ZSCAN25: variants seen among roughly 807,000 people sequenced by gnomAD.
ZSCAN25 encodes the protein zinc finger and SCAN domain-containing protein 25.
In ZSCAN25, 27 loss-of-function variants were observed where a neutral mutation model predicts 38.7. That is an observed-to-expected ratio of 0.70 (90% CI 0.51 to 0.96). The LOEUF (loss-of-function observed/expected upper bound fraction) is 0.96, where lower values mean the gene tolerates loss of function less well. Among genes scored for constraint, ZSCAN25 ranks in the 40% least tolerant of loss-of-function variants. ZSCAN25 has a pLI of 0.00. For missense variants in ZSCAN25, 637 were observed against 705.9 expected (o/e 0.90, Z 1.11); for synonymous variants, 273 against 277.7 (o/e 0.98, Z 0.17).
chr7:99,649,825 C>T, the ZSCAN25 span, among the ~76,000 whole-genome samples: 2 of 152,072 alleles, frequency 1.3e-5, no homozygotes, highest in Non-Finnish European at 2.9e-5. Context: ...TGAATTTAAA[C>T]TTACTCAGGT....
At chr7:99,657,341 C>T in the ZSCAN25 span, among the ~76,000 whole-genome samples, 1 of 152,090 alleles carries the variant, frequency 6.6e-6, no homozygotes, top group South Asian at 2.1e-4. Flanking sequence ...TCGTTATGTA[C>T]CCAGTAGTCA....
At chr7:99,695,883 A>G in the ZSCAN25 span, 3 of 1,558,894 alleles carry the variant, frequency 1.9e-6, no homozygotes, top group Non-Finnish European at 2.6e-6. Flanking sequence ...TTGTGACTTT[A>G]TAGATATGGG....
At chr7:99,732,833 G>T in the ZSCAN25 span, among the ~76,000 whole-genome samples, 23 of 152,168 alleles carry the variant, frequency 1.5e-4, no homozygotes, top group African/African-American at 5.6e-4. Context: ...CCTTCTAATG[G>T]CCAGGTACCT....
chr7:99,619,322 T>A (rs557675569), intron 3 of ZSCAN25, among the ~76,000 whole-genome samples, 190 bp downstream of exon 3: 80 of 152,344 alleles, frequency 5.3e-4, no homozygotes, highest in South Asian at 1.0e-3. Context: ...TCCAGTGAGA[T>A]CCTAAGTTAT....
At chr7:99,708,954 G>A in the ZSCAN25 span, 1 of 1,472,886 alleles carries the variant, frequency 6.8e-7, no homozygotes, top group Non-Finnish European at 9.5e-7. Flanking sequence ...GATTGTACAA[G>A]CCCAGACTGT....
At chr7:99,705,445 C>T in the ZSCAN25 span, 2 of 1,581,500 alleles carry the variant, frequency 1.3e-6, no homozygotes, top group Non-Finnish European at 1.7e-6. Flanking sequence ...TTTGAGGTCT[C>T]TGGTGTTCTG....
At chr7:99,703,128 A>C in the ZSCAN25 span, among the ~76,000 whole-genome samples, 3 of 152,218 alleles carry the variant, frequency 2.0e-5, no homozygotes. Flanking sequence ...ATATTTTATC[A>C]GTTCTAGTAG....
the ZSCAN25 span, among the ~76,000 whole-genome samples, chr7:99,664,811 G>A: frequency 4.6e-5 from 7 of 151,976 alleles, no homozygotes; most frequent in Non-Finnish European, 5.9e-5. Flanking sequence ...GCAAAAGAAA[G>A]AAAATAACAG....
the ZSCAN25 span, chr7:99,674,465 C>G: frequency 1.4e-5 from 18 of 1,269,436 alleles, no homozygotes; most frequent in Non-Finnish European, 1.7e-5. Flanking sequence ...TGGGCAGAGA[C>G]TATCCTGCAG....
chr7:99,645,076 C>T, the ZSCAN25 span, among the ~76,000 whole-genome samples: 9 of 152,146 alleles, frequency 5.9e-5, no homozygotes, highest in Non-Finnish European at 1.2e-4. Context: ...CTGCAACCTC[C>T]GCCTCCTGGG....
At chr7:99,672,042 T>TTTGTTGTTGTTGTTGTTGTTGTTGTTG in the ZSCAN25 span, among the ~76,000 whole-genome samples, 7 of 151,728 alleles carry the variant, frequency 4.6e-5, no homozygotes, top group Admixed American at 1.3e-4. Context: ...TTTGCCGGTT[T>TTTGTTGTTGTTGTTGTTGTTGTTGTTG]TTGTTGTTGT....
the ZSCAN25 span, chr7:99,660,295 A>G: frequency 9.3e-7 from 1 of 1,078,410 alleles, no homozygotes; most frequent in East Asian, 7.6e-5. Context: ...GGCCAGCAAT[A>G]TTGTACAAAG....
At position 99,619,653 on chromosome 7, in the gene ZSCAN25, T is replaced by C. The variant is rs1196469790; in HGVS notation, c.47T>C (p.Leu16Ser). 6.2e-7 allele frequency: 1 copy of C among 1,614,172 alleles called. No individual in the cohort carries two copies. The change falls in exon 4 of 8, where the codon TTG (leucine) becomes TCG (serine). Residue 16 changes from leucine to serine, a missense_variant. By Grantham distance (145) the Leu-to-Ser change is moderately radical. Coordinates refer to ENST00000394152, the MANE Select transcript of ZSCAN25 (RefSeq NM_145115.3). ...ATGGCGGAAGCTCCTCAGCAGCAGT[T>C]GGGTATTCCTGTGGTGAAACTGGAG... The part of the protein sequence containing the change: ...PEMAEAPQQQ[L>S]GIPVVKLEKE...
At chr7:99,653,111 C>T in the ZSCAN25 span, among the ~76,000 whole-genome samples, 1 of 152,158 alleles carries the variant, frequency 6.6e-6, no homozygotes, top group African/African-American at 2.4e-5. The surrounding 1 kb of genome is among the most constrained non-coding windows in gnomAD (Gnocchi z 4.2). Context: ...AAATAAAATA[C>T]ACCAAAGTCA....
rs149145564 is a variant in ZSCAN25 at position 99,630,008 on chromosome 7, G to C, written c.1623G>C (p.Pro541=). Residue 541 remains proline, a synonymous_variant, in exon 8 of 8, where the codon CCG becomes CCC. Transcript: ENST00000394152. ...RHQKTQHRQE[P]LVQ ...AGAAGACCCAGCACCGCCAGGAGCC[G>C]CTGGTGCAGTGAGCATAGCAGGTGG... is the stretch of plus-strand genomic sequence containing the variant. 2.6e-6 allele frequency: 4 copies of C among 1,562,682 alleles called. No individual in the cohort carries two copies. Among genetic ancestry groups the C allele is most frequent in the Non-Finnish European group, 2.6e-6 (3 of 1,154,348 alleles).
At chr7:99,720,268 T>A in the ZSCAN25 span, 1 of 1,607,340 alleles carries the variant, frequency 6.2e-7, no homozygotes, top group East Asian at 2.2e-5. Flanking sequence ...AAATAAAAAT[T>A]TAATCAATCA....
At chr7:99,734,175 C>T in the ZSCAN25 span, among the ~76,000 whole-genome samples, 18 of 152,218 alleles carry the variant, frequency 1.2e-4, no homozygotes, top group Admixed American at 3.9e-4. Context: ...GAATTGCTAA[C>T]TTTTCTGTGA....
At position 99,621,401 on chromosome 7, in the gene ZSCAN25, A is replaced by C; in HGVS notation, c.416A>C (p.Glu139Ala). The stretch of plus-strand genomic sequence containing the variant: ...CCATGCCACAGGCAGGGAGAGCAGG[A>C]GGAAACAGCACTTTGCAGAGGCGCT... The part of the protein sequence containing the change: ...AVPCHRQGEQ[E>A]ETALCRGAWE... The change falls in exon 5 of 8, where the codon GAG (glutamate) becomes GCG (alanine). Residue 139 changes from glutamate (E) to alanine (A), a missense_variant. Physicochemically the swap from Glu to Ala is moderately radical, Grantham distance 107. Transcript: ENST00000394152. 6.8e-7 allele frequency: 1 copy of C among 1,478,376 alleles called. No homozygotes were observed. The highest frequency in any genetic ancestry group is 9.1e-7 in the Non-Finnish European group (1 of 1,102,664). The allele number at this position is 1,478,376 out of a possible 1,614,324, so 91.6% of individuals were successfully genotyped here. A position where few individuals can be genotyped will look rare whatever the true frequency, so the allele number is the denominator to read the frequency against.
chr7:99,640,513 C>T, the ZSCAN25 span, among the ~76,000 whole-genome samples: 1 of 152,194 alleles, frequency 6.6e-6, no homozygotes, highest in East Asian at 1.9e-4. Flanking sequence ...ACATCCAAAC[C>T]ATCAGCAAAT....
Sources: gnomAD v4.1 joint callset for allele counts (sites outside exome capture counted in the v4.1 genomes callset) on GRCh38, gnomAD v4.1.1 for gene constraint, Gnocchi (gnomAD v3.1) non-coding constraint, MANE v1.5 for transcripts, NCBI Gene and HGNC (gene_info 2026-07-23, HGNC 2026-07-21) for gene names.